Variants in KRT72 observed in about 807,000 individuals in gnomAD.
KRT72 encodes the protein keratin 72, also known as keratin, type II cytoskeletal 72.
KRT72 carries 44 observed loss-of-function variants against 44.7 expected under a neutral mutation model. The observed-to-expected ratio is 0.98, with a 90% CI of 0.77 to 1.27. The LOEUF is 1.27. KRT72 is among the 50% of genes most tolerant of loss of function. The pLI, the probability that KRT72 is intolerant of heterozygous loss-of-function variation, is 0.00. For missense variants in KRT72, 736 were observed against 667.1 expected (o/e 1.10, Z -1.14); for synonymous variants, 302 against 280.4 (o/e 1.08, Z -0.77).
Position 52,601,424 on chromosome 12 carries a change from C to G in KRT72, c.29G>C (p.Arg10Pro). 1.9e-6 allele frequency: 3 copies of G among 1,539,208 alleles called. No homozygotes were observed. The South Asian group carries it at 3.6e-5, about 18-fold the overall frequency. MSRQLTHFP[R>P]GERLGFSGCS... ...ACCGCTGAAGCCCAGGCGCTCCCCG[C>G]GGGGGAAATGGGTCAGTTGGCGGCT... The change falls in exon 1 of 9, where the codon CGC (arginine) becomes CCC (proline). Residue 10 changes from arginine (R) to proline (P), a missense_variant. Transcript: ENST00000293745.
Position 52,601,132 on chromosome 12 carries a change from C to T in KRT72, c.321G>A (p.Leu107=), listed in dbSNP as rs538625481. The change falls in exon 1 of 9, where the codon CTG becomes CTA. Residue 107 remains leucine, a synonymous_variant. Transcript: ENST00000293745. ...GGTCCATCTCCACGTTGAGCGGGGC[C>T]AGGAGGCTCTTGTTGACGGTGACCT... The part of the protein sequence containing the change: ...IPQVTVNKSL[L]APLNVEMDPE... The T allele has an allele frequency of 5.6e-6, 9 of 1,613,696 alleles. No individual in the cohort carries two copies. The African/African-American group carries it at 9.3e-5, about 17-fold the overall frequency.
Position 52,590,915 on chromosome 12 carries a change from T to C in KRT72, c.1010A>G (p.Lys337Arg), listed in dbSNP as rs757809458. Residue 337 changes from lysine (K) to arginine (R), a missense_variant, in exon 6 of 9, where the codon AAG becomes AGG. Lys to Arg is a conservative substitution (Grantham distance 26). Coordinates refer to ENST00000293745, the MANE Select transcript of KRT72 (RefSeq NM_080747.3). ...CTCAGAGATTTCAGCCTTGGTGAGC[T>C]TGAGGTCATCCCCATGCTGGCCTGC... ...VTAGQHGDDL[K>R]LTKAEISELN... 4.4e-6 allele frequency: 7 copies of C among 1,608,338 alleles called. No homozygotes were observed. In the South Asian group the frequency reaches 4.4e-5, roughly 10 times the overall value.
chr12:52,587,725 T>A lies in KRT72; in HGVS notation c.1216A>T (p.Met406Leu). 1 of 1,614,174 alleles carries A rather than the reference T, an allele frequency of 6.2e-7. No individual in the cohort carries two copies. ...LHQAKEELARMLREYQELVSL... is the reference protein window; with the variant it reads ...LHQAKEELARLLREYQELVSL... ...ACGAGCTCCTGGTACTCACGCAGCATCCGTGCCAGCTCCTCCTTGGCCTGG... is the reference window on the plus strand; with the variant it reads ...ACGAGCTCCTGGTACTCACGCAGCAACCGTGCCAGCTCCTCCTTGGCCTGG... The change falls in exon 7 of 9, where the codon ATG becomes TTG. Residue 406 changes from methionine to leucine, a missense_variant. Coordinates refer to ENST00000293745, the MANE Select transcript of KRT72 (RefSeq NM_080747.3).
chr12:52,587,600 G>T, intron 7 of KRT72, 31 bp downstream of exon 7: 1 of 1,610,314 alleles, frequency 6.2e-7, no homozygotes, highest in Non-Finnish European at 8.5e-7. Flanking sequence ...AGAGAAAACT[G>T]GTCCCGACAC....
chr12:52,589,764 G>A (rs1939924914), intron 6 of KRT72, among the ~76,000 whole-genome samples: 1 of 152,158 alleles, frequency 6.6e-6, no homozygotes, highest in South Asian at 2.1e-4. Context: ...CCCGCAGAGG[G>A]TATCTTCCCT....
rs949159591 is a variant in KRT72, at chr12:52,585,842, G to A, written c.*140C>T. 3.9e-6 allele frequency: 3 copies of A among 770,476 alleles called. No homozygotes were observed. The highest frequency in any genetic ancestry group is 2.5e-5 in the East Asian group (1 of 39,828). The allele number at this position is 770,476 out of a possible 1,614,324, so 47.7% of individuals were successfully genotyped here. On this transcript the variant is annotated 3_prime_UTR_variant, in exon 9 of 9. Coordinates refer to ENST00000293745, the MANE Select transcript of KRT72 (RefSeq NM_080747.3). ...TTGCATCGAAGCATCACACCTTGAGGACAACAGGGAGAGGAAATGGGGTTG... is the reference window on the plus strand; with the variant it reads ...TTGCATCGAAGCATCACACCTTGAGAACAACAGGGAGAGGAAATGGGGTTG...
rs1233722874 is a variant in KRT72 at position 52,585,990 on chromosome 12, A to T, written c.1528T>A (p.Ser510Thr). 6.2e-7 allele frequency: 1 copy of T among 1,612,784 alleles called. No homozygotes were observed. The highest frequency in any genetic ancestry group is 8.5e-7 in the Non-Finnish European group (1 of 1,179,246). Reference sequence around the variant, plus strand: ...AGCCAACCACTTGTCCATCATCTGGAGGCCTTTTTGGTGGCACAGCTGCTC... The same window carrying T: ...AGCCAACCACTTGTCCATCATCTGGTGGCCTTTTTGGTGGCACAGCTGCTC... Reference protein sequence around the residue: ...SGSSCATKKASR With the variant: ...SGSSCATKKATR Residue 510 changes from serine to threonine, a missense_variant, in exon 9 of 9, where the codon TCC (serine) becomes ACC (threonine). Transcript: ENST00000293745.
chr12:52,589,997 G>T (rs932120035), intron 6 of KRT72, among the ~76,000 whole-genome samples: 1 of 152,152 alleles, frequency 6.6e-6, no homozygotes, highest in African/African-American at 2.4e-5. Flanking sequence ...GCGTGTGTGT[G>T]TGTCTGTGTG....
chr12:52,587,852 C>T lies in KRT72; in HGVS notation c.1090-1G>A, dbSNP rs1207493755. ...CGATGGCCGTCTCCAGATCGGCACA[C>T]TGAGGGGCAAACAGATCCAGCACTT... On this transcript the variant is annotated splice_acceptor_variant, in intron 6 of 8. Transcript: ENST00000293745. LOFTEE classifies it high-confidence loss of function. 2 of 1,613,562 alleles carry T rather than the reference C, an allele frequency of 1.2e-6. No individual in the cohort carries two copies. The highest frequency in any genetic ancestry group is 1.7e-6 in the Non-Finnish European group (2 of 1,179,672).
Position 52,587,757 on chromosome 12 carries a change from G to A in KRT72, c.1184C>T (p.Ala395Val). ...ARAKLDELEG[A>V]LHQAKEELAR... ...CAGCTCCTCCTTGGCCTGGTGCAGGGCGCCCTCCAGCTCATCCAGCTTGGC... is the reference window on the plus strand; with the variant it reads ...CAGCTCCTCCTTGGCCTGGTGCAGGACGCCCTCCAGCTCATCCAGCTTGGC... The change falls in exon 7 of 9, where the codon GCC (alanine) becomes GTC (valine). Residue 395 changes from alanine (A) to valine (V), a missense_variant. Transcript: ENST00000293745. The A allele has an allele frequency of 6.2e-7, 1 of 1,614,178 alleles. No individual in the cohort carries two copies. Among genetic ancestry groups the A allele is most frequent in the Non-Finnish European group, 8.5e-7 (1 of 1,180,046 alleles).
chr12:52,590,343 C>A (rs575691968), intron 6 of KRT72, among the ~76,000 whole-genome samples: 2 of 152,316 alleles, frequency 1.3e-5, no homozygotes, highest in East Asian at 3.9e-4. Flanking sequence ...CTGCTGGATT[C>A]TCTCTCCTCC....
chr12:52,590,274 G>A (rs986264484), intron 6 of KRT72, among the ~76,000 whole-genome samples: 2 of 152,194 alleles, frequency 1.3e-5, no homozygotes, highest in Admixed American at 1.3e-4. Context: ...CTAGTGCAGG[G>A]CCCTGAGCCC....
At chr12:52,597,719 T>C (rs1940268965) in intron 2 of KRT72, among the ~76,000 whole-genome samples, 1 of 152,198 alleles carries the variant, frequency 6.6e-6, no homozygotes, top group Admixed American at 6.5e-5. Flanking sequence ...TGCCTTACAT[T>C]TGTGTAGCAC....
upstream of KRT72, among the ~76,000 whole-genome samples, chr12:52,601,984 C>T (rs1041777591): frequency 3.9e-5 from 6 of 152,210 alleles, no homozygotes; most frequent in Non-Finnish European, 8.8e-5. Flanking sequence ...ACAGCTCTGT[C>T]CCTTGTGCAA....
Position 52,599,001 on chromosome 12 carries a change from T to C in KRT72, c.538A>G (p.Ile180Val). ...KNLEPIYEGY[I>V]SNLQKQLEML... Reference sequence around the variant, plus strand: ...TCCAGCTGCTTCTGCAGGTTGCTGATGTAGCCCTCATAAATGGGCTCCAGG... The same window carrying C: ...TCCAGCTGCTTCTGCAGGTTGCTGACGTAGCCCTCATAAATGGGCTCCAGG... The change falls in exon 2 of 9, where the codon ATC becomes GTC. Residue 180 changes from isoleucine to valine, a missense_variant. Ile to Val is a conservative substitution (Grantham distance 29). Transcript: ENST00000293745. 4 of 1,614,072 alleles carry C rather than the reference T, an allele frequency of 2.5e-6. No individual in the cohort carries two copies. Among genetic ancestry groups the C allele is most frequent in the South Asian group, 1.1e-5 (1 of 91,068 alleles).
At position 52,599,167 on chromosome 12, in the gene KRT72, G is replaced by C. The variant is rs1592233774; in HGVS notation, c.427-55C>G. 8 of 1,567,742 alleles carry C rather than the reference G, an allele frequency of 5.1e-6. No individual in the cohort carries two copies. In the East Asian group the frequency reaches 1.6e-4, roughly 31 times the overall value. On this transcript the variant is annotated intron_variant, in intron 1 of 8. Transcript: ENST00000293745. ...GTCCCCATGTTGTTGCCTCTCAAGAGTGGGGAAAGGGCCCCAAAAACCAGA... is the reference window on the plus strand; with the variant it reads ...GTCCCCATGTTGTTGCCTCTCAAGACTGGGGAAAGGGCCCCAAAAACCAGA...
intron 1 of KRT72, among the ~76,000 whole-genome samples, chr12:52,600,771 T>A (rs889844878): frequency 1.4e-4 from 22 of 151,974 alleles, no homozygotes; most frequent in African/African-American, 5.1e-4. Flanking sequence ...ATCAGCAGCA[T>A]GAAAATGGGC....
chr12:52,591,582 A>G lies in KRT72; in HGVS notation c.845T>C (p.Leu282Pro). Residue 282 changes from leucine (L) to proline (P), a missense_variant, in exon 5 of 9, where the codon CTG becomes CCG. Leu to Pro is a moderately conservative substitution (Grantham distance 98). Transcript: ENST00000293745. ...CAGATCCCGGTTGTTGTCCATTGAC[A>G]GGACGATGGACGTGTCGCTGATGTG... is the stretch of plus-strand genomic sequence containing the variant. Reference protein sequence around the residue: ...QSHISDTSIVLSMDNNRDLDL... With the variant: ...QSHISDTSIVPSMDNNRDLDL... 2 of 1,613,946 alleles carry G rather than the reference A, an allele frequency of 1.2e-6. No individual in the cohort carries two copies. Among genetic ancestry groups the G allele is most frequent in the South Asian group, 1.1e-5 (1 of 91,048 alleles).
intron 6 of KRT72, among the ~76,000 whole-genome samples, chr12:52,588,498 T>C (rs916095533): frequency 6.6e-6 from 1 of 152,164 alleles, no homozygotes; most frequent in Admixed American, 6.5e-5. Context: ...TGGAGCCTGT[T>C]GGCAGGTGGA....
Sources: allele counts gnomAD v4.1 joint callset (sites outside exome capture counted in the v4.1 genomes callset), GRCh38; gene constraint gnomAD v4.1.1; transcripts MANE v1.5; gene names NCBI Gene and HGNC (gene_info 2026-07-23, HGNC 2026-07-21).